Variants in NFU1 observed in about 807,000 individuals in gnomAD.
NFU1 encodes the protein NFU1 iron-sulfur cluster scaffold.
Under a neutral mutation model 32.2 loss-of-function variants are expected in NFU1, and 30 were observed. That is an observed-to-expected ratio of 0.93 (90% confidence interval 0.70 to 1.26). The LOEUF (loss-of-function observed/expected upper bound fraction) is 1.26. Ranked by LOEUF, NFU1 falls within the 50% of genes most tolerant of loss-of-function variation. The pLI is 0.00. For synonymous variants in NFU1, 112 were observed against 104.6 expected, an observed-to-expected ratio of 1.07 and a Z score of -0.43; for missense variants, 306 against 306.6, an observed-to-expected ratio of 1.00 and a Z score of 0.02.
At chr2:69,439,094 C>T (rs1673962499), upstream of NFU1, among the ~76,000 whole-genome samples, 1 of 152,094 alleles carries the variant, frequency 6.6e-6, no homozygotes, top group South Asian at 2.1e-4. Context: ...CTTCCACACT[C>T]TTTTCTTCCC....
rs34708604 is a variant in NFU1, at chr2:69,424,878, C to CTT, written c.167-1163_167-1162dup. 2.9e-3 allele frequency among the ~76,000 whole-genome samples: 391 copies of CTT among 133,648 alleles called. 2 individuals are homozygous for CTT. The highest frequency in any genetic ancestry group is 0.012 in the Middle Eastern group (3 of 256). The allele number at this position is 133,648 out of a possible 152,430, so 87.7% of individuals were successfully genotyped here. Reference sequence around the variant, plus strand: ...TATATGCCAAATACAGGGTCAAACGCTTTTTTTTTTTTTTTTGAGGCGGAG... The same window carrying CTT: ...TATATGCCAAATACAGGGTCAAACGCTTTTTTTTTTTTTTTTTTGAGGCGGAG... On this transcript the variant is annotated intron_variant, in intron 2 of 7. Transcript: ENST00000410022.
chr2:69,418,398 C>A (rs1484575371), intron 4 of NFU1, among the ~76,000 whole-genome samples: 1 of 152,112 alleles, frequency 6.6e-6, no homozygotes, highest in South Asian at 2.1e-4. Context: ...GACTTTGTCT[C>A]TAAATAAATA....
In NFU1 at chr2:69,437,413, T is replaced by A; in HGVS notation, c.10A>T (p.Thr4Ser). 1 of 1,610,690 alleles carries A rather than the reference T, an allele frequency of 6.2e-7. No individual in the cohort carries two copies. Among genetic ancestry groups the A allele is most frequent in the Non-Finnish European group, 8.5e-7 (1 of 1,179,564 alleles). Reference protein sequence around the residue: MAATARRGWGAAAV... With the variant: MAASARRGWGAAAV... Reference sequence around the variant, plus strand: ...GCAGCTCCCCAGCCCCGCCTGGCCGTCGCCGCCATCTTAGTCCGGAGTGCC... The same window carrying A: ...GCAGCTCCCCAGCCCCGCCTGGCCGACGCCGCCATCTTAGTCCGGAGTGCC... Residue 4 changes from threonine (T) to serine (S), a missense_variant, in exon 1 of 8, where the codon ACG becomes TCG. Thr to Ser is a moderately conservative substitution (Grantham distance 58, BLOSUM62 1). Coordinates refer to ENST00000410022, the MANE Select transcript of NFU1 (RefSeq NM_001002755.4).
In NFU1 at chr2:69,415,306, A is replaced by G. The variant is rs1673014175; in HGVS notation, c.370-7T>C. 3 of 1,524,518 alleles carry G rather than the reference A, an allele frequency of 2.0e-6. No individual in the cohort carries two copies. Among genetic ancestry groups the G allele is most frequent in the Non-Finnish European group, 2.7e-6 (3 of 1,099,596 alleles). The allele number at this position is 1,524,518 out of a possible 1,614,324, so 94.4% of individuals were successfully genotyped here. On this transcript the variant is annotated splice_polypyrimidine_tract_variant and splice_region_variant and intron_variant, in intron 4 of 7. Coordinates refer to ENST00000410022, the MANE Select transcript of NFU1 (RefSeq NM_001002755.4). ...AGTCTAATTCTTCATTTTCCTATAA[A>G]CATTTAAAGGAAAATGCTGTATTTC...
At chr2:69,415,801 G>A in intron 4 of NFU1, among the ~76,000 whole-genome samples, 1 of 152,000 alleles carries the variant, frequency 6.6e-6, no homozygotes, top group East Asian at 1.9e-4. Flanking sequence ...TTACAGGCGT[G>A]AGCCACAGCG....
chr2:69,425,474 C>A (rs986443113), intron 2 of NFU1, among the ~76,000 whole-genome samples: 5 of 151,946 alleles, frequency 3.3e-5, no homozygotes, highest in Non-Finnish European at 7.4e-5. Flanking sequence ...CCTGCCTCAG[C>A]CTCCTGAGTA....
chr2:69,423,146 T>TTG (rs1169374450), intron 3 of NFU1, among the ~76,000 whole-genome samples: 1,394 of 132,168 alleles, frequency 0.011, 74 homozygotes, highest in African/African-American at 0.034. Flanking sequence ...TCAGCTAAAT[T>TTG]TGTGTGTGTG....
chr2:69,404,641 G>T (rs1256818760), intron 6 of NFU1, among the ~76,000 whole-genome samples: 51 of 22,196 alleles, frequency 2.3e-3, no homozygotes, highest in Non-Finnish European at 3.5e-3. Flanking sequence ...TTTTTTTTGA[G>T]AAAGAGTTTT....
rs1222899241 is a variant in NFU1, at chr2:69,428,025, A to G, written c.166+3877T>C. Among the ~76,000 whole-genome samples, 4 of 152,072 alleles carry G rather than the reference A, an allele frequency of 2.6e-5. 1 individual carries two copies. The highest frequency in any genetic ancestry group is 4.4e-5 in the Non-Finnish European group (3 of 68,016). On this transcript the variant is annotated intron_variant, in intron 2 of 7. Coordinates refer to ENST00000410022, the MANE Select transcript of NFU1 (RefSeq NM_001002755.4). ...GCAACAGAGCAAGACTCTGTCTCAA[A>G]AAGAAAAAAGAAAAAAGAAAATGAA...
At chr2:69,405,833 TA>T (rs1360747457) in intron 6 of NFU1, among the ~76,000 whole-genome samples, 188 bp downstream of exon 6, 1 of 152,240 alleles carries the variant, frequency 6.6e-6, no homozygotes, top group Non-Finnish European at 1.5e-5. Flanking sequence ...TTGGATGTTT[TA>T]AAATTTTGAG....
At chr2:69,435,090 A>C (rs1362986993) in intron 1 of NFU1, among the ~76,000 whole-genome samples, 2 of 152,188 alleles carry the variant, frequency 1.3e-5, no homozygotes, top group Non-Finnish European at 2.9e-5. Context: ...GCTGGTAATC[A>C]TTTACATCTA....
chr2:69,437,734 T>C, upstream of NFU1: 1 of 500,408 alleles, frequency 2.0e-6, no homozygotes, highest in East Asian at 3.7e-5. Context: ...TGGTGCTGCC[T>C]TGCGAATGCT....
chr2:69,407,075 A>G (rs1334118290), intron 5 of NFU1, among the ~76,000 whole-genome samples: 3 of 152,084 alleles, frequency 2.0e-5, no homozygotes, highest in Non-Finnish European at 4.4e-5. Context: ...CTGAACTGTG[A>G]GTCAATTAAA....
chr2:69,413,480 G>T (rs570274753), intron 5 of NFU1, among the ~76,000 whole-genome samples: 41 of 152,168 alleles, frequency 2.7e-4, no homozygotes, highest in Middle Eastern at 6.8e-3. Context: ...AGAAGCTCTC[G>T]GCCAGGCAGG....
At chr2:69,409,932 T>A (rs1672822324) in intron 5 of NFU1, among the ~76,000 whole-genome samples, 1 of 152,192 alleles carries the variant, frequency 6.6e-6, no homozygotes, top group African/African-American at 2.4e-5. Context: ...AGTGTATATA[T>A]GTGTATATGC....
chr2:69,410,015 C>G (rs1444836255), intron 5 of NFU1, among the ~76,000 whole-genome samples: 1 of 152,130 alleles, frequency 6.6e-6, no homozygotes, highest in African/African-American at 2.4e-5. Flanking sequence ...TGAGTGCTAA[C>G]CTTGACGGAT....
chr2:69,426,107 G>C (rs1319584323), intron 2 of NFU1, among the ~76,000 whole-genome samples: 1 of 151,808 alleles, frequency 6.6e-6, no homozygotes, highest in African/African-American at 2.4e-5. Flanking sequence ...CAAGTGGCTG[G>C]AACTACAGGT....
chr2:69,435,156 GC>G (rs1308079830), intron 1 of NFU1, among the ~76,000 whole-genome samples: 1 of 152,120 alleles, frequency 6.6e-6, no homozygotes, highest in African/African-American at 2.4e-5. Context: ...TCTTTCATTA[GC>G]TTTATAAAGG....
chr2:69,433,624 C>T (rs1409892596), intron 1 of NFU1, among the ~76,000 whole-genome samples: 1 of 151,666 alleles, frequency 6.6e-6, no homozygotes, highest in African/African-American at 2.4e-5. Flanking sequence ...TACAGGTGTA[C>T]ACCATCACAC....
Sources: allele counts gnomAD v4.1 joint callset (sites outside exome capture counted in the v4.1 genomes callset), GRCh38; gene constraint gnomAD v4.1.1; transcripts MANE v1.5; gene names NCBI Gene and HGNC (gene_info 2026-07-23, HGNC 2026-07-21).